The following DCAF15 variants were observed in gnomAD, a reference collection of about 807,000 sequenced individuals.
DCAF15 encodes DDB1 and CUL4 associated factor 15, also known as DDB1- and CUL4-associated factor 15.
Under a neutral mutation model 68.0 loss-of-function variants are expected in DCAF15, and 24 were observed. The observed-to-expected ratio is 0.35, with a 90% confidence interval of 0.26 to 0.50. DCAF15 has a LOEUF of 0.50. Ranked by LOEUF, DCAF15 falls within the 20% of genes least tolerant of loss-of-function variation. The probability of loss-of-function intolerance (pLI) is 0.98; values close to 1 mark genes in which losing one functional copy is unlikely to be tolerated. For missense variants in DCAF15, 627 were observed against 830.6 expected, an observed-to-expected ratio of 0.75 and a Z score of 3.01; for synonymous variants, 376 against 341.6, an observed-to-expected ratio of 1.10 and a Z score of -1.11.
chr19:13,959,541 C>G (rs775820543), intron 7 of DCAF15, 41 bp from the exon 8 acceptor site: 3 of 1,611,666 alleles, frequency 1.9e-6, no homozygotes, highest in Non-Finnish European at 2.5e-6. Context: ...GACGGGGCCC[C>G]TGGCCTCCCT....
intron 1 of DCAF15, chr19:13,953,089 C>T (rs932227783): frequency 1.1e-5 from 17 of 1,550,560 alleles, no homozygotes; most frequent in Non-Finnish European, 1.5e-5. Context: ...GCCCAAGCCC[C>T]GACCACACAT....
At position 13,960,992 on chromosome 19, in the gene DCAF15, G is replaced by T. The variant is rs1263388030; in HGVS notation, c.1800G>T (p.Leu600=). Residue 600 remains leucine (L), a synonymous_variant, in exon 13 of 13, where the codon CTG becomes CTT. Transcript: ENST00000254337. ...ADSERYTWIV[L] Reference sequence around the variant, plus strand: ...GCGAGCGATATACGTGGATCGTGCTGTGAGGGCCAGGCCGCCCCGGACACT... The same window carrying T: ...GCGAGCGATATACGTGGATCGTGCTTTGAGGGCCAGGCCGCCCCGGACACT... 2.5e-6 allele frequency: 4 copies of T among 1,613,696 alleles called. No individual in the cohort carries two copies. Among genetic ancestry groups the T allele is most frequent in the Non-Finnish European group, 3.4e-6 (4 of 1,180,020 alleles).
In DCAF15 at chr19:13,959,288, G is replaced by A. The variant is rs755393052; in HGVS notation, c.1028G>A (p.Arg343Gln). ...EAKGGVPEEA[R>Q]PALCPGPSGS... is the part of the protein sequence containing the mutation. ...AAGGGCGGGGTCCCTGAGGAAGCCC[G>A]GCCTGCCCTGTGCCCAGGACCCTCT... The change falls in exon 7 of 13, where the codon CGG becomes CAG. Residue 343 changes from arginine to glutamine, a missense_variant. Around this residue, in one of 3 missense-constraint regions of DCAF15, gnomAD observed 236 missense variants for 225.1 expected, o/e 1.05. Coordinates refer to ENST00000254337, the MANE Select transcript of DCAF15 (RefSeq NM_138353.4). 28 of 1,609,854 alleles carry A rather than the reference G, an allele frequency of 1.7e-5. No individual in the cohort carries two copies. Among genetic ancestry groups the A allele is most frequent in the Admixed American group, 8.3e-5 (5 of 59,990 alleles).
At chr19:13,955,830 C>T in intron 3 of DCAF15, 82 bp from the exon 4 acceptor site, 1 of 1,446,182 alleles carries the variant, frequency 6.9e-7, no homozygotes, top group Non-Finnish European at 9.6e-7. Flanking sequence ...AGCCCCAGCC[C>T]TGATGAGGGA....
Position 13,960,573 on chromosome 19 carries a change from G to A in DCAF15, c.1740G>A (p.Leu580=). ...TCAACAGGATGACCAATGAGGCGCTGCACAAAGGTGGGGCTCGGTGACCCC... is the reference window on the plus strand; with the variant it reads ...TCAACAGGATGACCAATGAGGCGCTACACAAAGGTGGGGCTCGGTGACCCC... The part of the protein sequence containing the change: ...RYVNRMTNEA[L]HKGCSLKVLA... The change falls in exon 12 of 13, where the codon CTG becomes CTA. Residue 580 remains leucine (L), a synonymous_variant. Transcript: ENST00000254337. 6.3e-7 allele frequency: 1 copy of A among 1,586,884 alleles called. No individual in the cohort carries two copies. The highest frequency in any genetic ancestry group is 1.3e-5 in the African/African-American group (1 of 74,770).
chr19:13,954,757 T>A, intron 3 of DCAF15, 96 bp downstream of exon 3: 1 of 1,338,148 alleles, frequency 7.5e-7, no homozygotes, highest in Non-Finnish European at 1.1e-6. Context: ...TGTAAAATGA[T>A]CATCATGTAC....
chr19:13,952,999 C>G, intron 1 of DCAF15: 1 of 1,181,040 alleles, frequency 8.5e-7, no homozygotes, highest in Middle Eastern at 2.0e-4. Context: ...CATGGTTGCT[C>G]CATAATGGAA....
chr19:13,959,381 C>T lies in DCAF15; in HGVS notation c.1121C>T (p.Pro374Leu). 1.2e-6 allele frequency: 2 copies of T among 1,605,950 alleles called. No homozygotes were observed. The highest frequency in any genetic ancestry group is 4.5e-5 in the East Asian group (2 of 44,866). Reference protein sequence around the residue: ...LCGETAPRDSPPASEAPASEP... With the variant: ...LCGETAPRDSLPASEAPASEP... ...GGAGAGACGGCACCCCGGGACAGCC[C>T]CCCTGCCTCGGAGGCACCTGCCTCC... is the stretch of plus-strand genomic sequence containing the variant. Residue 374 changes from proline to leucine, a missense_variant, in exon 7 of 13, where the codon CCC becomes CTC. Pro to Leu is a moderately conservative substitution (Grantham distance 98). Around this residue, in one of 3 missense-constraint regions of DCAF15, gnomAD observed 236 missense variants for 225.1 expected, o/e 1.05. Transcript: ENST00000254337.
chr19:13,953,342 T>G, intron 1 of DCAF15: 1 of 536,936 alleles, frequency 1.9e-6, no homozygotes. Context: ...TGTGTCTCTG[T>G]GGACAGGGAC....
rs1018588235 is a variant in DCAF15 at position 13,961,403 on chromosome 19, C to T, written c.*408C>T. ...CCCAGGCCGGCAACCTGGCCATCCCCATTCCGTTCTTCTTCATGTAATAAA... is the reference window on the plus strand; with the variant it reads ...CCCAGGCCGGCAACCTGGCCATCCCTATTCCGTTCTTCTTCATGTAATAAA... On this transcript the variant is annotated 3_prime_UTR_variant, in exon 13 of 13. Transcript: ENST00000254337. 2.2e-5 allele frequency: 5 copies of T among 229,068 alleles called. No individual in the cohort carries two copies. The highest frequency in any genetic ancestry group is 9.7e-5 in the East Asian group (1 of 10,308). 14.2% of individuals were successfully genotyped at this position (229,068 alleles called of 1,614,324 possible). A position where few individuals can be genotyped will look rare whatever the true frequency, so the allele number is the denominator to read the frequency against.
chr19:13,959,851 C>T lies in DCAF15; in HGVS notation c.1396C>T (p.His466Tyr), dbSNP rs773672664. ...CATCCGCCACGACGCTACCTGGGGC[C>T]ATCAGTTCTGTTCTTTCAGCGACTA... ...EVIRHDATWG[H>Y]QFCSFSDYDI... is the part of the protein sequence containing the mutation. The change falls in exon 9 of 13, where the codon CAT becomes TAT. Residue 466 changes from histidine (H) to tyrosine (Y), a missense_variant. His to Tyr is a moderately conservative substitution (Grantham distance 83). Around this residue, in one of 3 missense-constraint regions of DCAF15, gnomAD observed 118 missense variants for 211.8 expected, o/e 0.56. Transcript: ENST00000254337. The T allele has an allele frequency of 6.2e-6, 10 of 1,604,526 alleles. No individual in the cohort carries two copies. Among genetic ancestry groups the T allele is most frequent in the African/African-American group, 2.9e-5 (2 of 68,828 alleles).
chr19:13,961,385 C>T lies in DCAF15; in HGVS notation c.*390C>T, dbSNP rs62122103. On this transcript the variant is annotated 3_prime_UTR_variant, in exon 13 of 13. Coordinates refer to ENST00000254337, the MANE Select transcript of DCAF15 (RefSeq NM_138353.4). ...CCGCCCCCAGCCTCCCCACCCAGGC[C>T]GGCAACCTGGCCATCCCCATTCCGT... is the stretch of plus-strand genomic sequence containing the variant. 2,222 of 241,746 alleles carry T rather than the reference C, an allele frequency of 9.2e-3. 29 individuals carry two copies. Among genetic ancestry groups the T allele is most frequent in the South Asian group, 0.025 (363 of 14,576 alleles). The allele number at this position is 241,746 out of a possible 1,614,324, so 15.0% of individuals were successfully genotyped here.
At position 13,956,219 on chromosome 19, in the gene DCAF15, A is replaced by T; in HGVS notation, c.570A>T (p.Pro190=). 1 of 1,611,922 alleles carries T rather than the reference A, an allele frequency of 6.2e-7. No individual in the cohort carries two copies. The highest frequency in any genetic ancestry group is 8.5e-7 in the Non-Finnish European group (1 of 1,179,770). ...IYVSTVAVPP[P]GRCAACQDAS... ...TCAGCACCGTGGCCGTGCCACCGCC[A>T]GGCCGCTGTGCTGCTTGCCAGGATG... The change falls in exon 5 of 13, where the codon CCA becomes CCT. Residue 190 remains proline (P), a synonymous_variant. Transcript: ENST00000254337.
chr19:13,953,136 T>C (rs1488140260), intron 1 of DCAF15: 2 of 1,548,362 alleles, frequency 1.3e-6, no homozygotes, highest in Admixed American at 3.9e-5. Context: ...GGCCTCCCCA[T>C]TGAAAGTGTG....
At position 13,961,420 on chromosome 19, in the gene DCAF15, T is replaced by C. The variant is rs527276221; in HGVS notation, c.*425T>C. On this transcript the variant is annotated 3_prime_UTR_variant, in exon 13 of 13. Coordinates refer to ENST00000254337, the MANE Select transcript of DCAF15 (RefSeq NM_138353.4). ...GCCATCCCCATTCCGTTCTTCTTCA[T>C]GTAATAAATGTTTTAATTTCTGAAC... The C allele has an allele frequency of 2.2e-3, 419 of 190,974 alleles. 6 individuals are homozygous for C. The highest frequency in any genetic ancestry group is 9.6e-3 in the African/African-American group (406 of 42,304). The allele number at this position is 190,974 out of a possible 1,614,324, so 11.8% of individuals were successfully genotyped here.
intron 2 of DCAF15, 24 bp from the exon 3 acceptor site, chr19:13,954,502 G>A (rs559936784): frequency 1.9e-5 from 30 of 1,614,034 alleles, no homozygotes; most frequent in South Asian, 1.2e-4. Context: ...TGACCTGGCC[G>A]CTGTGCCCCC....
In DCAF15 at chr19:13,959,347, G is replaced by T. The variant is rs779405035; in HGVS notation, c.1087G>T (p.Ala363Ser). The change falls in exon 7 of 13, where the codon GCC becomes TCC. Residue 363 changes from alanine (A) to serine (S), a missense_variant. This residue lies in a region of DCAF15 where 236 missense variants were observed against 225.1 expected (regional missense o/e 1.05). Transcript: ENST00000254337. ...SRCRAHSEPL[A>S]LCGETAPRDS... ...CTGCCGTGCGCACTCTGAGCCCCTA[G>T]CCCTGTGTGGAGAGACGGCACCCCG... 8 of 1,605,922 alleles carry T rather than the reference G, an allele frequency of 5.0e-6. No homozygotes were observed. In the African/African-American group the frequency reaches 6.7e-5, roughly 13 times the overall value.
In DCAF15 at chr19:13,959,881, A is replaced by G; in HGVS notation, c.1426A>G (p.Ile476Val). 4 of 882,934 alleles carry G rather than the reference A, an allele frequency of 4.5e-6. No individual in the cohort carries two copies. Among genetic ancestry groups the G allele is most frequent in the South Asian group, 1.7e-5 (1 of 57,762 alleles). The allele number at this position is 882,934 out of a possible 1,614,324, so 54.7% of individuals were successfully genotyped here. Residue 476 changes from isoleucine to valine, a missense_variant, in exon 9 of 13, where the codon ATC becomes GTC. Ile to Val is a conservative substitution (Grantham distance 29, BLOSUM62 3). Transcript: ENST00000254337. ...GTTCTGTTCTTTCAGCGACTATGAC[A>G]TCGTCATTCTGGAGGTGGGCCCAGG... is the stretch of plus-strand genomic sequence containing the variant. ...HQFCSFSDYDIVILEVCPETN... is the reference protein window; with the variant it reads ...HQFCSFSDYDVVILEVCPETN...
intron 6 of DCAF15, among the ~76,000 whole-genome samples, chr19:13,958,139 C>A (rs1973443228): frequency 6.6e-6 from 1 of 152,126 alleles, no homozygotes; most frequent in Non-Finnish European, 1.5e-5. Context: ...GGTTTTTGGC[C>A]ATGAACCCCC....
Sources: gnomAD v4.1 joint callset for allele counts (sites outside exome capture counted in the v4.1 genomes callset) on GRCh38, gnomAD v4.1.1 for gene constraint, gnomAD v4.1.1 regional missense constraint, MANE v1.5 for transcripts, NCBI Gene and HGNC (gene_info 2026-07-23, HGNC 2026-07-21) for gene names.